The following DSCAM variants were observed in gnomAD, a reference collection of about 807,000 sequenced individuals.
The protein encoded by DSCAM is DS cell adhesion molecule.
In DSCAM, 47 loss-of-function variants were observed where a neutral mutation model predicts 217.7. The ratio of observed to expected loss-of-function variants is 0.22; its 90% CI spans 0.17 to 0.28. The LOEUF is 0.28. Among genes scored for constraint, DSCAM ranks in the 10% least tolerant of loss-of-function variants. DSCAM has a pLI of 1.00. For missense variants in DSCAM, 2,080 were observed against 2,618.3 expected (o/e 0.79, Z 4.49); for synonymous variants, 1,056 against 1,015.3 (o/e 1.04, Z -0.76).
At chr21:40,684,892 T>A (rs1332654204) in intron 3 of DSCAM, among the ~76,000 whole-genome samples, 1 of 152,162 alleles carries the variant, frequency 6.6e-6, no homozygotes, top group African/African-American at 2.4e-5. Context: ...CTGATTGACT[T>A]AGCTGGCCAT....
At chr21:40,622,074 C>CA (rs1390909705) in intron 3 of DSCAM, among the ~76,000 whole-genome samples, 1 of 152,036 alleles carries the variant, frequency 6.6e-6, no homozygotes, top group Non-Finnish European at 1.5e-5. Context: ...CTAGAAAAGA[C>CA]AAAAGACTTT....
intron 3 of DSCAM, among the ~76,000 whole-genome samples, chr21:40,457,919 G>A (rs576748922): frequency 1.1e-4 from 16 of 152,300 alleles, no homozygotes; most frequent in African/African-American, 3.6e-4. Flanking sequence ...AAGCATTCCT[G>A]TGACAAAGCA....
chr21:40,131,231 C>A (rs562546415), intron 19 of DSCAM, among the ~76,000 whole-genome samples: 37 of 152,230 alleles, frequency 2.4e-4, no homozygotes, highest in Middle Eastern at 3.4e-3. Context: ...TCCTTTGTCC[C>A]TTCTTCCAAT....
chr21:40,438,559 C>G (rs1195683468), intron 3 of DSCAM, among the ~76,000 whole-genome samples: 1 of 152,224 alleles, frequency 6.6e-6, no homozygotes, highest in South Asian at 2.1e-4. Flanking sequence ...TGGCCAACCT[C>G]AAGGTCCAAG....
intron 3 of DSCAM, among the ~76,000 whole-genome samples, chr21:40,669,754 T>A (rs951743080): frequency 2.0e-5 from 3 of 152,074 alleles, no homozygotes; most frequent in Admixed American, 1.3e-4. Flanking sequence ...AATTTCTGTA[T>A]TTTTAGTAGA....
At position 40,414,676 on chromosome 21, in the gene DSCAM, T is replaced by C. The variant is rs1405871286; in HGVS notation, c.509-45431A>G. ...AGTGCAACCTGCAGTGTGAAATACA[T>C]TGATCCAGTTAGCTATATAGGTATG... On this transcript the variant is annotated intron_variant, in intron 3 of 32. Transcript: ENST00000400454. Among the ~76,000 whole-genome samples, 33 of 152,230 alleles carry C rather than the reference T, an allele frequency of 2.2e-4. 1 individual carries two copies. The highest frequency in any genetic ancestry group is 2.2e-3 in the Admixed American group (33 of 15,284).
intron 3 of DSCAM, among the ~76,000 whole-genome samples, chr21:40,426,775 T>C (rs2075478844): frequency 6.6e-6 from 1 of 151,972 alleles, no homozygotes; most frequent in East Asian, 1.9e-4. Flanking sequence ...AACATGACAA[T>C]GGGAATGGTG....
chr21:40,846,050 T>C (rs2092142476), intron 1 of DSCAM, among the ~76,000 whole-genome samples: 1 of 152,068 alleles, frequency 6.6e-6, no homozygotes, highest in Non-Finnish European at 1.5e-5. Context: ...TGCTTATCAG[T>C]GCATATTTTT....
chr21:40,178,945 T>C lies in DSCAM; in HGVS notation c.2929A>G (p.Ile977Val), dbSNP rs754200598. 7 of 1,613,810 alleles carry C rather than the reference T, an allele frequency of 4.3e-6. 1 individual carries two copies. In the South Asian group the frequency reaches 7.7e-5, roughly 18 times the overall value. Residue 977 changes from isoleucine to valine, a missense_variant, in exon 15 of 33, where the codon ATC (isoleucine) becomes GTC (valine). Physicochemically the swap from Ile to Val is conservative, Grantham distance 29 (BLOSUM62 3). Coordinates refer to ENST00000400454, the MANE Select transcript of DSCAM (RefSeq NM_001389.5). ...GKSEPSNELT[I>V]TADEAAPDGP... ...CACGTACCTGCCTCGTCCGCCGTGA[T>C]GGTGAGCTCGTTGCTGGGCTCGCTC...
rs548152384 is a variant in DSCAM at position 40,376,595 on chromosome 21, G to T, written c.509-7350C>A. Among the ~76,000 whole-genome samples, 83 of 113,530 alleles carry T rather than the reference G, an allele frequency of 7.3e-4. 1 individual carries two copies. The highest frequency in any genetic ancestry group is 2.9e-3 in the African/African-American group (69 of 23,740). 74.5% of individuals were successfully genotyped at this position (113,530 alleles called of 152,430 possible). A position where few individuals can be genotyped will look rare whatever the true frequency, so the allele number is the denominator to read the frequency against. On this transcript the variant is annotated intron_variant, in intron 3 of 32. Coordinates refer to ENST00000400454, the MANE Select transcript of DSCAM (RefSeq NM_001389.5). ...TATCGATATCTATATATCTTATATC[G>T]ATATCTATATATCTTATATAGATAT...
chr21:40,231,751 T>C (rs11702542), intron 11 of DSCAM, among the ~76,000 whole-genome samples: 83,744 of 151,894 alleles, frequency 0.55, 24,802 homozygotes, highest in African/African-American at 0.78. Flanking sequence ...GATCCTCCTG[T>C]CTTGGCCTCC....
At chr21:40,685,574 T>C (rs1338558138) in intron 3 of DSCAM, among the ~76,000 whole-genome samples, 1 of 152,196 alleles carries the variant, frequency 6.6e-6, no homozygotes, top group Non-Finnish European at 1.5e-5. Context: ...TGCTTCCTAG[T>C]GATTCCACAG....
In DSCAM at chr21:40,637,500, TATATATAA is replaced by T. The variant is rs1411963634; in HGVS notation, c.508+55302_508+55309del. Among the ~76,000 whole-genome samples, 4 of 53,696 alleles carry T rather than the reference TATATATAA, an allele frequency of 7.4e-5. 1 individual carries two copies. The highest frequency in any genetic ancestry group is 9.4e-5 in the Non-Finnish European group (3 of 31,920). The allele number at this position is 53,696 out of a possible 152,430, so 35.2% of individuals were successfully genotyped here. A position where few individuals can be genotyped will look rare whatever the true frequency, so the allele number is the denominator to read the frequency against. ...ATATAAATATATAAAAATATATAAA[TATATATAA>T]ATATATAAATATATATAAATATATA... On this transcript the variant is annotated intron_variant, in intron 3 of 32. Transcript: ENST00000400454.
chr21:40,506,217 C>A (rs185669509), intron 3 of DSCAM, among the ~76,000 whole-genome samples: 1 of 152,282 alleles, frequency 6.6e-6, no homozygotes, highest in Admixed American at 6.5e-5. Context: ...TGATCTGAAG[C>A]CCATGCACGA....
chr21:40,786,676 T>C (rs1444670768), intron 1 of DSCAM, among the ~76,000 whole-genome samples: 4 of 152,206 alleles, frequency 2.6e-5, no homozygotes, highest in African/African-American at 9.7e-5. Context: ...TTAAGGCAAG[T>C]CAGTGACTTC....
intron 20 of DSCAM, among the ~76,000 whole-genome samples, chr21:40,121,857 A>AATTTTTGT (rs1568951788): frequency 6.6e-6 from 1 of 151,548 alleles, no homozygotes; most frequent in Non-Finnish European, 1.5e-5. Context: ...ACACCTGGCT[A>AATTTTTGT]ATTTTTGTAT....
chr21:40,344,213 TATA>T (rs1228905460), intron 6 of DSCAM, among the ~76,000 whole-genome samples: 7 of 152,240 alleles, frequency 4.6e-5, no homozygotes, highest in Non-Finnish European at 8.8e-5. Context: ...GTGGTAATTT[TATA>T]ATGTTATAAT....
intron 8 of DSCAM, among the ~76,000 whole-genome samples, chr21:40,334,709 A>G (rs1209652160): frequency 1.8e-5 from 2 of 110,646 alleles, no homozygotes; most frequent in African/African-American, 6.9e-5. Context: ...AGGTGCAAAT[A>G]TAGTGCACCA....
At position 40,532,868 on chromosome 21, in the gene DSCAM, C is replaced by CTGTG. The variant is rs58575678; in HGVS notation, c.508+159938_508+159941dup. Among the ~76,000 whole-genome samples the CTGTG allele has an allele frequency of 4.0e-3, 591 of 146,018 alleles. 3 individuals carry two copies. The highest frequency in any genetic ancestry group is 0.023 in the East Asian group (110 of 4,836). ...GGTGCTTCAAAACAGCCACAAGGCTCTGTGTGTGTGTGTGTGTGTGTGTGT... is the reference window on the plus strand; with the variant it reads ...GGTGCTTCAAAACAGCCACAAGGCTCTGTGTGTGTGTGTGTGTGTGTGTGTGTGT... On this transcript the variant is annotated intron_variant, in intron 3 of 32. Coordinates refer to ENST00000400454, the MANE Select transcript of DSCAM (RefSeq NM_001389.5).
Sources: gnomAD v4.1 joint callset for allele counts (sites outside exome capture counted in the v4.1 genomes callset) on GRCh38, gnomAD v4.1.1 for gene constraint, MANE v1.5 for transcripts, NCBI Gene and HGNC (gene_info 2026-07-23, HGNC 2026-07-21) for gene names.